Variants in IL1RAPL2 observed in about 807,000 individuals in gnomAD.
IL1RAPL2 encodes X-linked interleukin-1 receptor accessory protein-like 2.
Under a neutral mutation model 44.1 loss-of-function variants are expected in IL1RAPL2, and 3 were observed. The observed-to-expected ratio is 0.07, with a 90% CI of 0.03 to 0.18. IL1RAPL2 has a LOEUF of 0.18. Among genes scored for constraint, IL1RAPL2 ranks in the 10% least tolerant of loss-of-function variants. IL1RAPL2 has a pLI of 1.00. For missense variants in IL1RAPL2, 391 were observed against 496.4 expected (o/e 0.79, Z 2.02); for synonymous variants, 181 against 178.8 (o/e 1.01, Z -0.10).
chrX:104,921,472 G>T (rs1409678199), intron 2 of IL1RAPL2, among the ~76,000 whole-genome samples: 1 of 112,271 alleles, frequency 8.9e-6, no homozygotes, highest in Non-Finnish European at 1.9e-5. Flanking sequence ...AGCCTCCATT[G>T]TCCCGCCTAG....
intron 2 of IL1RAPL2, among the ~76,000 whole-genome samples, chrX:104,804,828 G>A (rs1353890324): frequency 8.9e-6 from 1 of 112,527 alleles, no homozygotes; most frequent in African/African-American, 3.2e-5. Flanking sequence ...CTATTAAATT[G>A]GGTTTTCTTC....
intron 2 of IL1RAPL2, among the ~76,000 whole-genome samples, chrX:104,759,131 G>T (rs1932387007): frequency 8.9e-6 from 1 of 112,241 alleles, no homozygotes; most frequent in African/African-American, 3.2e-5. Context: ...TATGAATTTA[G>T]ATCAACAATG....
rs370330385 is a variant in IL1RAPL2 at position 105,704,816 on chromosome X, A to C, written c.773-12551A>C. Among the ~76,000 whole-genome samples the C allele has an allele frequency of 2.8e-4, 31 of 110,615 alleles. 1 individual carries two copies. The East Asian group carries it at 4.6e-3, about 16-fold the overall frequency. ...ACCAACAGGAGAGGCAGCAATTTTA[A>C]TGTTAAAGTTTTACTATATACGATG... On this transcript the variant is annotated intron_variant, in intron 6 of 10. Transcript: ENST00000372582.
intron 2 of IL1RAPL2, among the ~76,000 whole-genome samples, chrX:104,975,898 A>G (rs1446393988): frequency 9.0e-6 from 1 of 111,074 alleles, no homozygotes; most frequent in African/African-American, 3.3e-5. Flanking sequence ...TGGGGGACCG[A>G]GGAGACTCCA....
chrX:104,932,932 C>T (rs1411872478), intron 2 of IL1RAPL2, among the ~76,000 whole-genome samples: 1 of 111,574 alleles, frequency 9.0e-6, no homozygotes, highest in African/African-American at 3.3e-5. Context: ...CGGGATTTGG[C>T]TGGTAGCACC....
At chrX:104,570,854 G>A (rs1247856111) in intron 1 of IL1RAPL2, among the ~76,000 whole-genome samples, 1 of 111,694 alleles carries the variant, frequency 9.0e-6, no homozygotes, top group Non-Finnish European at 1.9e-5. Flanking sequence ...ATGCTTTTTA[G>A]CTGGTTTGCT....
intron 2 of IL1RAPL2, among the ~76,000 whole-genome samples, chrX:104,945,834 T>C (rs1433692181): frequency 2.7e-5 from 3 of 111,467 alleles, no homozygotes; most frequent in African/African-American, 6.5e-5. Context: ...CATGGGTGAG[T>C]GTTAATGTGC....
intron 2 of IL1RAPL2, among the ~76,000 whole-genome samples, chrX:105,132,835 T>G (rs1240600407): frequency 1.8e-5 from 2 of 111,634 alleles, no homozygotes; most frequent in Non-Finnish European, 3.8e-5. Flanking sequence ...AGTGCACAAT[T>G]TGAAGTTTCT....
At chrX:105,328,504 G>T (rs2034959207) in intron 5 of IL1RAPL2, among the ~76,000 whole-genome samples, 1 of 111,419 alleles carries the variant, frequency 9.0e-6, no homozygotes. Flanking sequence ...ACCTGTTAAG[G>T]TTTTGCCATG....
intron 6 of IL1RAPL2, among the ~76,000 whole-genome samples, chrX:105,554,813 T>C (rs1481450437): frequency 8.9e-6 from 1 of 111,930 alleles, no homozygotes; most frequent in African/African-American, 3.2e-5. Context: ...CTTAAATCCT[T>C]GAACATAGTT....
chrX:105,756,197 AAAAT>A (rs1462106614), intron 10 of IL1RAPL2, among the ~76,000 whole-genome samples: 1 of 112,407 alleles, frequency 8.9e-6, no homozygotes, highest in African/African-American at 3.2e-5. Flanking sequence ...TGATAATAAC[AAAAT>A]AAAAAGCTTA....
At chrX:105,519,687 A>G (rs975935437) in intron 6 of IL1RAPL2, among the ~76,000 whole-genome samples, 2 of 111,469 alleles carry the variant, frequency 1.8e-5, no homozygotes, top group Non-Finnish European at 3.8e-5. Context: ...GAAAGCAGGG[A>G]AATAGCAAAG....
intron 5 of IL1RAPL2, chrX:105,405,518 G>A: frequency 2.2e-6 from 1 of 462,918 alleles, no homozygotes; most frequent in East Asian, 3.7e-5. Flanking sequence ...TTTAGCCAAG[G>A]GCAGGAAGGT....
At chrX:105,311,702 A>G (rs1442356098) in intron 5 of IL1RAPL2, among the ~76,000 whole-genome samples, 1 of 109,297 alleles carries the variant, frequency 9.1e-6, no homozygotes, top group Admixed American at 1.0e-4. Context: ...TTGTATTTAT[A>G]CTTATTTGTA....
intron 2 of IL1RAPL2, among the ~76,000 whole-genome samples, chrX:104,914,143 T>G (rs1487571709): frequency 9.0e-6 from 1 of 111,729 alleles, no homozygotes; most frequent in African/African-American, 3.3e-5. Context: ...GCTGAATCAC[T>G]CTCTGAAGTT....
chrX:104,840,288 T>G, intron 2 of IL1RAPL2, among the ~76,000 whole-genome samples: 1 of 112,019 alleles, frequency 8.9e-6, no homozygotes, highest in Non-Finnish European at 1.9e-5. Context: ...GGTTTCAAAT[T>G]ACTTCTTGAT....
chrX:105,475,217 T>C (rs1257900946), intron 5 of IL1RAPL2, among the ~76,000 whole-genome samples: 1 of 111,664 alleles, frequency 9.0e-6, no homozygotes, highest in Non-Finnish European at 1.9e-5. Context: ...GTCTTCTGTT[T>C]TATTATTAAT....
At chrX:105,084,429 G>A (rs1004134398) in intron 2 of IL1RAPL2, among the ~76,000 whole-genome samples, 5 of 112,886 alleles carry the variant, frequency 4.4e-5, no homozygotes, top group Non-Finnish European at 9.4e-5. Flanking sequence ...GCATGACCTG[G>A]ATGTGATACA....
At chrX:105,436,514 G>A (rs1311138939) in intron 5 of IL1RAPL2, among the ~76,000 whole-genome samples, 2 of 111,492 alleles carry the variant, frequency 1.8e-5, no homozygotes, top group Non-Finnish European at 3.8e-5. Context: ...ACTTTTCTAT[G>A]TATTGTCTTT....
Sources: gnomAD v4.1 joint callset for allele counts (sites outside exome capture counted in the v4.1 genomes callset) on GRCh38, gnomAD v4.1.1 for gene constraint, MANE v1.5 for transcripts, NCBI Gene and HGNC (gene_info 2026-07-23, HGNC 2026-07-21) for gene names.